Variants in ARHGAP10 observed in about 807,000 individuals in gnomAD.
ARHGAP10 encodes the protein rho GTPase-activating protein 10.
In ARHGAP10, 87 loss-of-function variants were observed where a neutral mutation model predicts 108.6. The observed-to-expected ratio is 0.80, with a 90% confidence interval of 0.67 to 0.96. The LOEUF (loss-of-function observed/expected upper bound fraction) is 0.96. Among genes scored for constraint, ARHGAP10 ranks in the 40% least tolerant of loss-of-function variants. The pLI, the probability that ARHGAP10 is intolerant of heterozygous loss-of-function variation, is 0.00. For synonymous variants in ARHGAP10, 347 were observed against 341.1 expected, an observed-to-expected ratio of 1.02 and a Z score of -0.19; for missense variants, 939 against 954.5, an observed-to-expected ratio of 0.98 and a Z score of 0.21.
At chr4:147,741,844 T>C (rs1202727354) in intron 1 of ARHGAP10, among the ~76,000 whole-genome samples, 4 of 150,158 alleles carry the variant, frequency 2.7e-5, no homozygotes, top group Non-Finnish European at 4.4e-5. Context: ...CGCTTTGCAT[T>C]CTAAAGGCAG....
intron 4 of ARHGAP10, among the ~76,000 whole-genome samples, chr4:147,853,939 C>T (rs1020718456): frequency 6.6e-6 from 1 of 152,092 alleles, no homozygotes; most frequent in Non-Finnish European, 1.5e-5. Context: ...CATGCCAGCA[C>T]CAATGGTTGA....
At chr4:147,818,332 G>A (rs1218948204) in intron 1 of ARHGAP10, among the ~76,000 whole-genome samples, 7 of 151,924 alleles carry the variant, frequency 4.6e-5, no homozygotes, top group African/African-American at 1.5e-4. Context: ...TTGGGAGGCC[G>A]AGGCAGGTGG....
intron 19 of ARHGAP10, among the ~76,000 whole-genome samples, chr4:148,035,368 TG>T (rs1183130554): frequency 6.6e-6 from 1 of 152,218 alleles, no homozygotes; most frequent in Non-Finnish European, 1.5e-5. Context: ...TTTTTAGTTT[TG>T]GGGGGAATGC....
intron 1 of ARHGAP10, among the ~76,000 whole-genome samples, chr4:147,766,818 ATATATATATATATATATATATTTATT>A (rs1434004155): frequency 4.2e-4 from 5 of 11,800 alleles, no homozygotes; most frequent in African/African-American, 4.7e-4. Context: ...ATATATATAT[ATATATATATATATATATATATTTATT>A]TATTTATTTA....
At chr4:147,861,171 A>G (rs1159473625) in intron 5 of ARHGAP10, 1 of 152,400 alleles carries the variant, frequency 6.6e-6, no homozygotes, top group East Asian at 1.9e-4. Flanking sequence ...GAGTGAGTTC[A>G]GGGTCATCCG....
At chr4:148,000,180 G>T (rs549429742) in intron 18 of ARHGAP10, among the ~76,000 whole-genome samples, 8 of 151,620 alleles carry the variant, frequency 5.3e-5, no homozygotes, top group African/African-American at 1.7e-4. Context: ...GTGGTGGTTG[G>T]TTTTTTTTGT....
intron 20 of ARHGAP10, among the ~76,000 whole-genome samples, chr4:148,047,587 A>T (rs1240542031): frequency 1.3e-5 from 2 of 152,230 alleles, no homozygotes; most frequent in Non-Finnish European, 2.9e-5. Context: ...CAAGTATATT[A>T]GGACAAATAA....
At chr4:147,774,463 T>C (rs1483819301) in intron 1 of ARHGAP10, among the ~76,000 whole-genome samples, 1 of 152,244 alleles carries the variant, frequency 6.6e-6, no homozygotes, top group African/African-American at 2.4e-5. Context: ...GGGTTTAAAG[T>C]ATGTGTTTAG....
chr4:147,913,310 T>C (rs562879123), intron 13 of ARHGAP10, among the ~76,000 whole-genome samples, 171 bp downstream of exon 13: 1 of 152,380 alleles, frequency 6.6e-6, no homozygotes, highest in Admixed American at 6.5e-5. Flanking sequence ...ATGAGGGATT[T>C]TCCTTTTTAT....
chr4:147,824,848 A>G (rs752412448), intron 3 of ARHGAP10, among the ~76,000 whole-genome samples: 2 of 152,192 alleles, frequency 1.3e-5, no homozygotes, highest in African/African-American at 4.8e-5. Context: ...GAGCCAAACC[A>G]TATCAGCCAG....
Position 147,965,091 on chromosome 4 carries a change from T to C in ARHGAP10, c.1518T>C (p.Asn506=), listed in dbSNP as rs1472707165. Residue 506 remains asparagine, a synonymous_variant, in exon 17 of 23, where the codon AAT becomes AAC. Transcript: ENST00000336498. ...TGGTACACAAACTGCCAGAGAAGAA[T>C]AAAGAGATGTTGGATATTTTGGTGA... ...HFLVHKLPEK[N]KEMLDILVKH... 13 of 1,607,520 alleles carry C rather than the reference T, an allele frequency of 8.1e-6. No homozygotes were observed. Among genetic ancestry groups the C allele is most frequent in the Non-Finnish European group, 1.1e-5 (13 of 1,176,642 alleles).
chr4:147,903,236 T>C (rs1246895193), intron 10 of ARHGAP10, among the ~76,000 whole-genome samples: 1 of 152,200 alleles, frequency 6.6e-6, no homozygotes, highest in Admixed American at 6.5e-5. Context: ...CAGAGTGTGC[T>C]TTTGGTCTTC....
intron 1 of ARHGAP10, among the ~76,000 whole-genome samples, chr4:147,755,021 G>T (rs1729310353): frequency 6.6e-6 from 1 of 151,630 alleles, no homozygotes; most frequent in Non-Finnish European, 1.5e-5. Flanking sequence ...AATGGAGGTT[G>T]CAGTGAACCG....
chr4:147,962,228 C>T (rs1300182778), intron 16 of ARHGAP10, among the ~76,000 whole-genome samples: 2 of 152,174 alleles, frequency 1.3e-5, no homozygotes, highest in African/African-American at 2.4e-5. Context: ...AAACACTGCT[C>T]GTCTCTGCCT....
intron 10 of ARHGAP10, among the ~76,000 whole-genome samples, chr4:147,887,950 G>C (rs1221201306): frequency 6.6e-6 from 1 of 151,710 alleles, no homozygotes; most frequent in Non-Finnish European, 1.5e-5. Context: ...CTCCACTGCA[G>C]TTTTTGTTGA....
chr4:147,827,814 T>G (rs1350420151), intron 3 of ARHGAP10, among the ~76,000 whole-genome samples: 1 of 152,164 alleles, frequency 6.6e-6, no homozygotes, highest in African/African-American at 2.4e-5. Flanking sequence ...TCTTTTTTTT[T>G]GTTTGTTTTT....
intron 18 of ARHGAP10, among the ~76,000 whole-genome samples, chr4:148,002,296 G>A (rs1740752598): frequency 6.6e-6 from 1 of 152,142 alleles, no homozygotes; most frequent in Non-Finnish European, 1.5e-5. Flanking sequence ...TTTTTGATGT[G>A]CTGCTGGATT....
chr4:147,923,254 A>G (rs1737321076), intron 13 of ARHGAP10, among the ~76,000 whole-genome samples: 2 of 152,222 alleles, frequency 1.3e-5, no homozygotes, highest in African/African-American at 4.8e-5. Flanking sequence ...AAAGAGTCTT[A>G]TAGTTTCAGA....
At chr4:147,997,526 G>T (rs896971436) in intron 18 of ARHGAP10, among the ~76,000 whole-genome samples, 22 of 152,208 alleles carry the variant, frequency 1.4e-4, no homozygotes, top group African/African-American at 4.3e-4. Flanking sequence ...CAGTCACAGT[G>T]AATGAAAGGA....
Sources: allele counts gnomAD v4.1 joint callset (sites outside exome capture counted in the v4.1 genomes callset), GRCh38; gene constraint gnomAD v4.1.1; transcripts MANE v1.5; gene names NCBI Gene and HGNC (gene_info 2026-07-23, HGNC 2026-07-21).